The following EXOC6B variants were observed in gnomAD, a reference collection of about 807,000 sequenced individuals.
The protein encoded by EXOC6B is exocyst complex component 6B, also known as SEC15 homolog B.
EXOC6B carries 54 observed loss-of-function variants against 113.5 expected under a neutral mutation model. That is an observed-to-expected ratio of 0.48 (90% CI 0.38 to 0.60). The LOEUF (loss-of-function observed/expected upper bound fraction) is 0.60. Among genes scored for constraint, EXOC6B ranks in the 20% least tolerant of loss-of-function variants. EXOC6B has a pLI of 0.00. For synonymous variants in EXOC6B, 357 were observed against 339.0 expected (o/e 1.05, Z -0.58); for missense variants, 797 against 977.5 (o/e 0.82, Z 2.46).
At chr2:72,570,868 C>T (rs945915771) in intron 7 of EXOC6B, among the ~76,000 whole-genome samples, 8 of 152,104 alleles carry the variant, frequency 5.3e-5, no homozygotes, top group African/African-American at 1.9e-4. Flanking sequence ...ACTTATAGTT[C>T]ACCTTTATTC....
rs529117259 is a variant in EXOC6B at position 72,783,557 on chromosome 2, C to T, written c.114-42088G>A. Among the ~76,000 whole-genome samples the T allele has an allele frequency of 3.9e-5, 6 of 151,954 alleles. No individual in the cohort carries two copies. The South Asian group carries it at 6.2e-4, about 16-fold the overall frequency. On this transcript the variant is annotated intron_variant, in intron 1 of 21. Coordinates refer to ENST00000272427, the MANE Select transcript of EXOC6B (RefSeq NM_015189.3). ...CAGGCTGGTCTCAAACTCCTGACCT[C>T]GTGATCTGCCCACCTCAGCCTCCCA...
At chr2:72,550,728 TAC>T (rs1703161382) in intron 8 of EXOC6B, among the ~76,000 whole-genome samples, 1 of 152,162 alleles carries the variant, frequency 6.6e-6, no homozygotes, top group Non-Finnish European at 1.5e-5. Context: ...AGCTTAGGAC[TAC>T]ATATGGTCAT....
chr2:72,631,027 A>G (rs1672357313), intron 6 of EXOC6B, among the ~76,000 whole-genome samples: 1 of 152,170 alleles, frequency 6.6e-6, no homozygotes, highest in African/African-American at 2.4e-5. Context: ...TGCATTCATC[A>G]TGACTTTGCA....
chr2:72,224,372 T>A (rs985306795), intron 20 of EXOC6B, among the ~76,000 whole-genome samples: 1 of 152,166 alleles, frequency 6.6e-6, no homozygotes, highest in Non-Finnish European at 1.5e-5. Context: ...ATTTCACTCA[T>A]AAACATTTAC....
intron 18 of EXOC6B, among the ~76,000 whole-genome samples, chr2:72,411,453 C>T (rs995249535): frequency 6.6e-6 from 1 of 151,984 alleles, no homozygotes; most frequent in South Asian, 2.1e-4. Context: ...TCTGCAGAAG[C>T]AATGGAGAAA....
At chr2:72,733,622 A>G (rs1680776128) in intron 2 of EXOC6B, among the ~76,000 whole-genome samples, 1 of 152,126 alleles carries the variant, frequency 6.6e-6, no homozygotes, top group Admixed American at 6.5e-5. Context: ...TAACACTTCC[A>G]TACTTCCATT....
intron 18 of EXOC6B, among the ~76,000 whole-genome samples, chr2:72,436,965 T>C (rs1320457848): frequency 1.3e-5 from 2 of 152,178 alleles, no homozygotes; most frequent in Non-Finnish European, 2.9e-5. Context: ...CTGTGTTCCT[T>C]TGGAGGAGAA....
chr2:72,756,062 CT>C (rs1013644936), intron 1 of EXOC6B, among the ~76,000 whole-genome samples: 14 of 152,040 alleles, frequency 9.2e-5, no homozygotes, highest in African/African-American at 3.1e-4. Flanking sequence ...TTGGCAAAAT[CT>C]TTTTTTAAGG....
intron 19 of EXOC6B, among the ~76,000 whole-genome samples, chr2:72,375,861 C>G (rs1691326108): frequency 1.3e-5 from 2 of 152,174 alleles, no homozygotes; most frequent in East Asian, 3.9e-4. Context: ...AGGCTCAAGC[C>G]TTCTTCATGT....
chr2:72,277,711 C>T (rs1684884736), intron 20 of EXOC6B, among the ~76,000 whole-genome samples: 1 of 152,046 alleles, frequency 6.6e-6, no homozygotes, highest in Admixed American at 6.6e-5. Context: ...ACAGGCTGGT[C>T]TTGAACTCCT....
chr2:72,419,986 A>C (rs1056332361), intron 18 of EXOC6B, among the ~76,000 whole-genome samples: 4 of 151,922 alleles, frequency 2.6e-5, no homozygotes, highest in African/African-American at 9.7e-5. Flanking sequence ...GCTTTTCTTC[A>C]ATCTTTTGGC....
intron 6 of EXOC6B, among the ~76,000 whole-genome samples, chr2:72,623,212 C>T: frequency 6.6e-6 from 1 of 152,156 alleles, no homozygotes; most frequent in Admixed American, 6.5e-5. Context: ...CTCCTCTTCT[C>T]AGTCTACAGT....
chr2:72,522,491 AG>A (rs1701546087), intron 8 of EXOC6B, among the ~76,000 whole-genome samples: 1 of 152,222 alleles, frequency 6.6e-6, no homozygotes, highest in Admixed American at 6.5e-5. Context: ...TTATTACAAA[AG>A]TAAAATATGT....
intron 6 of EXOC6B, among the ~76,000 whole-genome samples, chr2:72,587,346 T>C (rs1421018539): frequency 6.6e-6 from 1 of 152,194 alleles, no homozygotes; most frequent in Non-Finnish European, 1.5e-5. Context: ...TTCTCACTTA[T>C]AAGTCAGAAC....
intron 6 of EXOC6B, among the ~76,000 whole-genome samples, chr2:72,650,503 A>T (rs1257993485): frequency 6.6e-6 from 1 of 152,166 alleles, no homozygotes; most frequent in Non-Finnish European, 1.5e-5. Context: ...TGGGAGGCTG[A>T]CGCAGGAGAA....
chr2:72,575,763 G>T, intron 6 of EXOC6B, 95 bp from the exon 7 acceptor site: 2 of 1,170,036 alleles, frequency 1.7e-6, no homozygotes, highest in Non-Finnish European at 2.3e-6. Context: ...ACTTAATTAA[G>T]CTTTCAACAA....
At chr2:72,758,512 C>A (rs554802953) in intron 1 of EXOC6B, among the ~76,000 whole-genome samples, 21 of 151,902 alleles carry the variant, frequency 1.4e-4, no homozygotes, top group Non-Finnish European at 2.4e-4. Flanking sequence ...AATCTGGTCC[C>A]CCTCCTCTCA....
intron 6 of EXOC6B, among the ~76,000 whole-genome samples, chr2:72,635,915 T>A (rs1001633202): frequency 1.3e-5 from 2 of 152,130 alleles, no homozygotes; most frequent in Non-Finnish European, 2.9e-5. Flanking sequence ...TAAATTAATG[T>A]GATACATCAT....
At chr2:72,467,671 G>A (rs1218971536) in intron 17 of EXOC6B, among the ~76,000 whole-genome samples, 2 of 151,984 alleles carry the variant, frequency 1.3e-5, no homozygotes, top group East Asian at 1.9e-4. Flanking sequence ...TTTTCTCATC[G>A]GGTTGTTTTC....
Sources: gnomAD v4.1 joint callset for allele counts (sites outside exome capture counted in the v4.1 genomes callset) on GRCh38, gnomAD v4.1.1 for gene constraint, MANE v1.5 for transcripts, NCBI Gene and HGNC (gene_info 2026-07-23, HGNC 2026-07-21) for gene names.